The following CATSPERE variants were observed in gnomAD, a reference collection of about 807,000 sequenced individuals.
CATSPERE encodes cation channel sperm-associated auxiliary subunit epsilon.
CATSPERE carries 93 observed loss-of-function variants against 114.1 expected under a neutral mutation model. The ratio of observed to expected loss-of-function variants is 0.81; its 90% confidence interval spans 0.69 to 0.97. CATSPERE has a LOEUF of 0.97. CATSPERE is among the 50% of genes least tolerant of loss of function. CATSPERE has a pLI of 0.00. For missense variants in CATSPERE, 1,058 were observed against 1,131.6 expected (o/e 0.93, Z 0.93); for synonymous variants, 341 against 384.1 (o/e 0.89, Z 1.31).
chr1:244,538,602 A>G (rs1382258143), intron 8 of CATSPERE, among the ~76,000 whole-genome samples: 1 of 152,196 alleles, frequency 6.6e-6, no homozygotes, highest in African/African-American at 2.4e-5. Context: ...AGAACTAAGA[A>G]AAGCCATATT....
chr1:244,616,336 A>G (rs1170547655), intron 19 of CATSPERE, among the ~76,000 whole-genome samples: 2 of 152,224 alleles, frequency 1.3e-5, no homozygotes, highest in Admixed American at 1.3e-4. Flanking sequence ...GCAAAGCTCT[A>G]TTGACTGGGA....
rs751709967 is a variant in CATSPERE, at chr1:244,568,060, C to G, written c.1508-4270C>G. Among the ~76,000 whole-genome samples, 36 of 152,046 alleles carry G rather than the reference C, an allele frequency of 2.4e-4. No individual in the cohort carries two copies. Among genetic ancestry groups the G allele is most frequent in the Non-Finnish European group, 3.5e-4 (24 of 68,030 alleles). On this transcript the variant is annotated intron_variant, in intron 10 of 21. Transcript: ENST00000366534. This position sits in a 1 kb window ranked among gnomAD's most constrained non-coding sequence, Gnocchi z 4.4. Reference sequence around the variant, plus strand: ...CCTTTTTGTTGATGTTGATGCTATTCCTTTCTGTTTGTTAGTTTTCCTTCT... The same window carrying G: ...CCTTTTTGTTGATGTTGATGCTATTGCTTTCTGTTTGTTAGTTTTCCTTCT...
intron 2 of CATSPERE, among the ~76,000 whole-genome samples, chr1:244,470,463 A>G (rs1397136761): frequency 6.6e-6 from 1 of 152,232 alleles, no homozygotes; most frequent in African/African-American, 2.4e-5. Flanking sequence ...CCATAATAAG[A>G]TACTACTTCG....
intron 7 of CATSPERE, among the ~76,000 whole-genome samples, chr1:244,500,075 T>A (rs1180010162): frequency 6.6e-6 from 1 of 152,256 alleles, no homozygotes; most frequent in African/African-American, 2.4e-5. Flanking sequence ...ATGGATTTGA[T>A]TTGCATTTCT....
intron 9 of CATSPERE, among the ~76,000 whole-genome samples, chr1:244,553,604 C>CAT (rs1661052658): frequency 1.1e-5 from 1 of 93,660 alleles, no homozygotes; most frequent in African/African-American, 4.9e-5. Flanking sequence ...AAAAAAAATA[C>CAT]ACACACACAC....
chr1:244,488,994 C>T (rs1287374785), intron 5 of CATSPERE, among the ~76,000 whole-genome samples: 1 of 152,044 alleles, frequency 6.6e-6, no homozygotes, highest in Non-Finnish European at 1.5e-5. Flanking sequence ...CAGTAATCAG[C>T]AAATGGAAGG....
chr1:244,464,018 A>G (rs1160086698), intron 2 of CATSPERE, 62 bp downstream of exon 2: 4 of 1,179,258 alleles, frequency 3.4e-6, no homozygotes, highest in Non-Finnish European at 1.3e-6. Context: ...TTTAGAGCAG[A>G]GAGCAGAGTT....
chr1:244,494,603 A>T (rs563423276), intron 6 of CATSPERE, among the ~76,000 whole-genome samples: 42 of 131,488 alleles, frequency 3.2e-4, no homozygotes, highest in African/African-American at 8.5e-4. Context: ...AAAGTATAAT[A>T]AAAAAAAAAA....
At chr1:244,621,214 T>G (rs375856727) in intron 20 of CATSPERE, among the ~76,000 whole-genome samples, 263 of 20,942 alleles carry the variant, frequency 0.013, 32 homozygotes, top group African/African-American at 0.046. Flanking sequence ...TATATTTATA[T>G]ATATATTTAT....
intron 8 of CATSPERE, among the ~76,000 whole-genome samples, chr1:244,523,793 C>A (rs370623643): frequency 1.4e-4 from 20 of 143,662 alleles, no homozygotes; most frequent in African/African-American, 4.7e-4. Flanking sequence ...ATGTGAAGGA[C>A]CTCTTCAAGG....
At chr1:244,542,262 AGT>A (rs1658946662) in intron 8 of CATSPERE, among the ~76,000 whole-genome samples, 1 of 151,726 alleles carries the variant, frequency 6.6e-6, no homozygotes, top group Non-Finnish European at 1.5e-5. Flanking sequence ...CTGCATAGGG[AGT>A]ATCTGGCCTC....
At chr1:244,493,917 A>G (rs1672657500) in intron 6 of CATSPERE, among the ~76,000 whole-genome samples, 1 of 152,226 alleles carries the variant, frequency 6.6e-6, no homozygotes, top group African/African-American at 2.4e-5. Flanking sequence ...ATCTCACTCC[A>G]GTTAGAATGG....
At chr1:244,451,730 C>T (rs1490815303), upstream of CATSPERE, 1 of 1,610,288 alleles carries the variant, frequency 6.2e-7, no homozygotes, top group Non-Finnish European at 8.5e-7. The surrounding 1 kb of genome is among the most constrained non-coding windows in gnomAD (Gnocchi z 6.6). Context: ...ACCACCGTCA[C>T]CCGGTTTCCT....
intron 7 of CATSPERE, among the ~76,000 whole-genome samples, chr1:244,514,596 G>A (rs1311677708): frequency 3.3e-5 from 5 of 152,224 alleles, no homozygotes; most frequent in South Asian, 4.1e-4. Flanking sequence ...TTGGGAGGCC[G>A]AGGCGGGTGG....
chr1:244,626,485 CAA>C (rs35687880), intron 20 of CATSPERE, among the ~76,000 whole-genome samples: 571 of 66,846 alleles, frequency 8.5e-3, no homozygotes, highest in Middle Eastern at 0.074. Flanking sequence ...AATTCCATCT[CAA>C]AAAAAAAAAA....
Position 244,532,556 on chromosome 1 carries a change from G to A in CATSPERE, c.536+13858G>A, listed in dbSNP as rs186611317. 1.1e-4 allele frequency among the ~76,000 whole-genome samples: 16 copies of A among 151,906 alleles called. No individual in the cohort carries two copies. The Middle Eastern group carries it at 0.01, about 98-fold the overall frequency. ...AATATTTCAAATCCTTCTTTCATCC[G>A]TGCCTGTTGTCTGAACTGTAATTGC... On this transcript the variant is annotated intron_variant, in intron 8 of 21. Coordinates refer to ENST00000366534, the MANE Select transcript of CATSPERE (RefSeq NM_001130957.2).
intron 2 of CATSPERE, 43 bp from the exon 3 acceptor site, chr1:244,477,498 T>A: frequency 8.7e-7 from 1 of 1,154,906 alleles, no homozygotes. Flanking sequence ...AGGTGAAAAG[T>A]TTGAATGATA....
At chr1:244,460,869 G>C (rs1417974105), upstream of CATSPERE, among the ~76,000 whole-genome samples, 1 of 152,244 alleles carries the variant, frequency 6.6e-6, no homozygotes, top group Admixed American at 6.5e-5. Flanking sequence ...AGCCGAGCCA[G>C]ATCGCGCCAC....
intron 7 of CATSPERE, among the ~76,000 whole-genome samples, chr1:244,514,693 G>A (rs560622740): frequency 5.9e-5 from 9 of 152,108 alleles, no homozygotes; most frequent in African/African-American, 2.2e-4. Flanking sequence ...GCTGGGCGTT[G>A]TGGCAGGCAC....
Sources: gnomAD v4.1 joint callset for allele counts (sites outside exome capture counted in the v4.1 genomes callset) on GRCh38, gnomAD v4.1.1 for gene constraint, Gnocchi (gnomAD v3.1) non-coding constraint, MANE v1.5 for transcripts, NCBI Gene and HGNC (gene_info 2026-07-23, HGNC 2026-07-21) for gene names.